CHST9: variants seen among roughly 807,000 people sequenced by gnomAD.
CHST9 encodes the protein GalNAc-4-sulfotransferase 2.
CHST9 carries 41 observed loss-of-function variants against 44.4 expected under a neutral mutation model. The ratio of observed to expected loss-of-function variants is 0.92; its 90% confidence interval spans 0.72 to 1.20. CHST9 has a LOEUF of 1.20. CHST9 is among the 50% of genes most tolerant of loss of function. CHST9 has a pLI of 0.00. For synonymous variants in CHST9, 171 were observed against 178.4 expected, an observed-to-expected ratio of 0.96 and a Z score of 0.33; for missense variants, 504 against 516.5, an observed-to-expected ratio of 0.98 and a Z score of 0.23.
chr18:27,148,875 C>T (rs1483525491), intron 1 of CHST9, among the ~76,000 whole-genome samples: 1 of 140,628 alleles, frequency 7.1e-6, no homozygotes, highest in Non-Finnish European at 1.6e-5. Context: ...GTTCCATCAA[C>T]AGTGTAAAAG....
intron 3 of CHST9, among the ~76,000 whole-genome samples, chr18:27,039,481 C>G (rs1598661721): frequency 6.6e-6 from 1 of 152,006 alleles, no homozygotes; most frequent in East Asian, 1.9e-4. Context: ...ACAGTGAAAT[C>G]GTGCTTGCCA....
At position 26,915,050 on chromosome 18, in the gene CHST9, G is replaced by A; in HGVS notation, c.*1209C>T. The A allele has an allele frequency of 2.5e-6, 1 of 397,282 alleles. No homozygotes were observed. Among genetic ancestry groups the A allele is most frequent in the Non-Finnish European group, 4.4e-6 (1 of 225,226 alleles). The allele number at this position is 397,282 out of a possible 1,614,324, so 24.6% of individuals were successfully genotyped here. ...AAAATGCATTACAACTATTCATAAG[G>A]GTGACACATGGACCTATTTTTCTAA... On this transcript the variant is annotated 3_prime_UTR_variant, in exon 6 of 6. Transcript: ENST00000618847.
At chr18:26,952,895 G>A (rs1337727082) in intron 4 of CHST9, among the ~76,000 whole-genome samples, 1 of 152,098 alleles carries the variant, frequency 6.6e-6, no homozygotes, top group African/African-American at 2.4e-5. Flanking sequence ...TAGAGTTATG[G>A]TTAGCAAGCT....
chr18:27,146,203 T>C (rs2058610993), intron 1 of CHST9, among the ~76,000 whole-genome samples: 2 of 152,172 alleles, frequency 1.3e-5, no homozygotes, highest in Non-Finnish European at 2.9e-5. Context: ...TGCCCTTCCT[T>C]TCTTCAGGAG....
Position 26,915,076 on chromosome 18 carries a change from G to C in CHST9, c.*1183C>G, listed in dbSNP as rs1367987654. ...GTGACACATGGACCTATTTTTCTAA[G>C]GACTTTGATTTAATATTTGAATGCA... is the stretch of plus-strand genomic sequence containing the variant. On this transcript the variant is annotated 3_prime_UTR_variant, in exon 6 of 6. Coordinates refer to ENST00000618847, the MANE Select transcript of CHST9 (RefSeq NM_031422.6). The C allele has an allele frequency of 5.0e-6, 2 of 396,690 alleles. No individual in the cohort carries two copies. Among genetic ancestry groups the C allele is most frequent in the African/African-American group, 4.1e-5 (2 of 48,496 alleles). The allele number at this position is 396,690 out of a possible 1,614,324, so 24.6% of individuals were successfully genotyped here.
At chr18:26,953,953 A>G (rs1018804434) in intron 4 of CHST9, among the ~76,000 whole-genome samples, 7 of 152,196 alleles carry the variant, frequency 4.6e-5, no homozygotes, top group African/African-American at 1.4e-4. Flanking sequence ...CAAGGAAAAG[A>G]AGATGAGATT....
At chr18:27,034,129 A>T (rs2057367885) in intron 3 of CHST9, among the ~76,000 whole-genome samples, 1 of 152,218 alleles carries the variant, frequency 6.6e-6, no homozygotes, top group Non-Finnish European at 1.5e-5. Flanking sequence ...GATAAATAAA[A>T]TAGAAATCTC....
chr18:27,143,796 A>T (rs1249577541), intron 1 of CHST9, among the ~76,000 whole-genome samples: 1 of 151,552 alleles, frequency 6.6e-6, no homozygotes, highest in African/African-American at 2.4e-5. Flanking sequence ...CTCTTGGGGG[A>T]TGGGGGGCAA....
intron 2 of CHST9, among the ~76,000 whole-genome samples, chr18:27,130,949 A>G (rs2058466152): frequency 6.6e-6 from 1 of 152,176 alleles, no homozygotes; most frequent in African/African-American, 2.4e-5. Context: ...ATGTGGTAAT[A>G]AACATCAAAT....
rs919207913 is a variant in CHST9 at position 26,975,791 on chromosome 18, T to C, written c.203-31425A>G. ...ACATTTTCTTTATCTTATTCATTGA[T>C]GGACACTTGGGTTGATTCTACATTT... is the stretch of plus-strand genomic sequence containing the variant. On this transcript the variant is annotated intron_variant, in intron 4 of 5. Coordinates refer to ENST00000618847, the MANE Select transcript of CHST9 (RefSeq NM_031422.6). Among the ~76,000 whole-genome samples, 18 of 145,710 alleles carry C rather than the reference T, an allele frequency of 1.2e-4. 1 individual carries two copies. The highest frequency in any genetic ancestry group is 3.5e-3 in the Middle Eastern group (1 of 282).
At chr18:27,007,428 G>A (rs1193458871) in intron 4 of CHST9, among the ~76,000 whole-genome samples, 1 of 152,192 alleles carries the variant, frequency 6.6e-6, no homozygotes, top group African/African-American at 2.4e-5. Flanking sequence ...GGTGAGGCAG[G>A]TAGCACTAAT....
chr18:27,089,705 T>C (rs933681676), intron 2 of CHST9, among the ~76,000 whole-genome samples: 6 of 152,168 alleles, frequency 3.9e-5, no homozygotes, highest in African/African-American at 1.2e-4. Flanking sequence ...CCTTGAGGAA[T>C]TGCCACACTG....
Position 27,024,140 on chromosome 18 carries a change from AC to A in CHST9, c.177del (p.Lys59AsnfsTer10), listed in dbSNP as rs1399477075. The A allele has an allele frequency of 6.2e-7, 1 of 1,612,458 alleles. No homozygotes were observed. On this transcript the variant is annotated frameshift_variant, in exon 4 of 6. Transcript: ENST00000618847. LOFTEE classifies it high-confidence loss of function. ...CTGATTCTGGGTACAGGCCGCAAGT[AC>A]TTCACTGGTCCCCATCCTGAAAAAG... ...QKVTSGWGPV[K>X]YLRPVPRIMS... is the part of the protein sequence containing the mutation.
At chr18:27,011,775 T>C (rs935803072) in intron 4 of CHST9, among the ~76,000 whole-genome samples, 1 of 152,224 alleles carries the variant, frequency 6.6e-6, no homozygotes, top group South Asian at 2.1e-4. Context: ...GGCTTCTCTC[T>C]AGAGTGCCAG....
chr18:27,164,694 A>T (rs942740647), intron 1 of CHST9, among the ~76,000 whole-genome samples: 1 of 152,242 alleles, frequency 6.6e-6, no homozygotes, highest in Non-Finnish European at 1.5e-5. Flanking sequence ...CTGGTAATAA[A>T]GAAAAGGTTC....
At chr18:27,162,578 T>G (rs1486663710) in intron 1 of CHST9, among the ~76,000 whole-genome samples, 1 of 152,154 alleles carries the variant, frequency 6.6e-6, no homozygotes, top group Non-Finnish European at 1.5e-5. Context: ...AATCTGACAA[T>G]TATGTGTCTT....
chr18:26,916,525 G>A lies in CHST9; in HGVS notation c.1066C>T (p.Leu356Phe). ...TAGTTGATCAAACACGGATAGCAGA[G>A]TTTGCTGACCTTTTCCCAGTGAATG... ...MDIHWEKVSK[L>F]CYPCLINYDF... is the part of the protein sequence containing the mutation. Residue 356 changes from leucine (L) to phenylalanine (F), a missense_variant, in exon 6 of 6, where the codon CTC (leucine) becomes TTC (phenylalanine). Coordinates refer to ENST00000618847, the MANE Select transcript of CHST9 (RefSeq NM_031422.6). 1.9e-6 allele frequency: 3 copies of A among 1,613,868 alleles called. No homozygotes were observed. The highest frequency in any genetic ancestry group is 2.5e-6 in the Non-Finnish European group (3 of 1,179,796).
intron 5 of CHST9, among the ~76,000 whole-genome samples, chr18:26,939,150 G>A (rs2145105678): frequency 6.6e-6 from 1 of 152,264 alleles, no homozygotes; most frequent in African/African-American, 2.4e-5. Flanking sequence ...ATATAGGGTA[G>A]AAAATATCTA....
chr18:27,024,151 C>T lies in CHST9; in HGVS notation c.167G>A (p.Gly56Glu), dbSNP rs1376459514. Residue 56 changes from glycine (G) to glutamate (E), a missense_variant, in exon 4 of 6, where the codon GGA becomes GAA. Gly to Glu is a moderately conservative substitution (Grantham distance 98). Coordinates refer to ENST00000618847, the MANE Select transcript of CHST9 (RefSeq NM_031422.6). Reference protein sequence around the residue: ...RREQKVTSGWGPVKYLRPVPR... With the variant: ...RREQKVTSGWEPVKYLRPVPR... ...TACAGGCCGCAAGTACTTCACTGGT[C>T]CCCATCCTGAAAAAGAAGAGGAAAG... The T allele has an allele frequency of 6.2e-7, 1 of 1,610,240 alleles. No homozygotes were observed. The highest frequency in any genetic ancestry group is 8.5e-7 in the Non-Finnish European group (1 of 1,178,474).
Sources: gnomAD v4.1 joint callset for allele counts (sites outside exome capture counted in the v4.1 genomes callset) on GRCh38, gnomAD v4.1.1 for gene constraint, MANE v1.5 for transcripts, NCBI Gene and HGNC (gene_info 2026-07-23, HGNC 2026-07-21) for gene names.